Variants in SOX5 observed in about 807,000 individuals in gnomAD.
The protein encoded by SOX5 is SRY-box transcription factor 5.
A neutral mutation model predicts 92.0 loss-of-function variants in SOX5; 9 were observed. The ratio of observed to expected loss-of-function variants is 0.10; its 90% CI spans 0.06 to 0.17. SOX5 has a LOEUF of 0.17. SOX5 is among the 10% of genes least tolerant of loss of function. SOX5 has a pLI of 1.00. For synonymous variants in SOX5, 344 were observed against 336.3 expected, an observed-to-expected ratio of 1.02 and a Z score of -0.25; for missense variants, 642 against 944.5, an observed-to-expected ratio of 0.68 and a Z score of 4.20.
chr12:23,565,370 G>A (rs1946893762), intron 10 of SOX5, among the ~76,000 whole-genome samples: 1 of 152,126 alleles, frequency 6.6e-6, no homozygotes, highest in Admixed American at 6.6e-5. Flanking sequence ...AATATCTTAA[G>A]AGGATCAGTC....
intron 1 of SOX5, among the ~76,000 whole-genome samples, chr12:24,420,516 G>C (rs1965750125): frequency 6.6e-6 from 1 of 152,118 alleles, no homozygotes; most frequent in South Asian, 2.1e-4. Context: ...TATTTAAAAG[G>C]AATTACTTGG....
chr12:23,943,378 G>A (rs1446062057), intron 1 of SOX5, among the ~76,000 whole-genome samples: 1 of 151,916 alleles, frequency 6.6e-6, no homozygotes, highest in Non-Finnish European at 1.5e-5. Context: ...TTCAGTACAA[G>A]GCATTAAGAA....
intron 3 of SOX5, among the ~76,000 whole-genome samples, chr12:24,235,067 T>G (rs1353901124): frequency 6.6e-6 from 1 of 152,200 alleles, no homozygotes; most frequent in Admixed American, 6.5e-5. Context: ...AGATTTTTGT[T>G]TTGTTTGTTT....
At position 24,194,432 on chromosome 12, in the gene SOX5, T is replaced by TAG. The variant is rs1565629364; in HGVS notation, c.-2+18910_-2+18911insCT. Reference sequence around the variant, plus strand: ...AGGTAGGTAGGTAGGTAGGTAGGTATGTAGGTAGGTAGGTAGGTAGGTAGA... The same window carrying TAG: ...AGGTAGGTAGGTAGGTAGGTAGGTATAGGTAGGTAGGTAGGTAGGTAGGTAGA... On this transcript the variant is annotated intron_variant, in intron 4 of 4. Coordinates refer to the SOX5 transcript ENST00000446891. Among the ~76,000 whole-genome samples the TAG allele has an allele frequency of 5.0e-3, 495 of 99,284 alleles. 6 individuals carry two copies. The highest frequency in any genetic ancestry group is 0.022 in the African/African-American group (442 of 19,818). The allele number at this position is 99,284 out of a possible 152,430, so 65.1% of individuals were successfully genotyped here. A position where few individuals can be genotyped will look rare whatever the true frequency, so the allele number is the denominator to read the frequency against.
chr12:24,000,501 T>C (rs574320347), intron 4 of SOX5, among the ~76,000 whole-genome samples: 24 of 152,194 alleles, frequency 1.6e-4, no homozygotes, highest in African/African-American at 5.3e-4. Flanking sequence ...ATTGTGATAA[T>C]TAGAAATGCA....
intron 4 of SOX5, among the ~76,000 whole-genome samples, chr12:24,101,049 C>T (rs907915769): frequency 6.6e-6 from 1 of 152,132 alleles, no homozygotes; most frequent in African/African-American, 2.4e-5. Flanking sequence ...CCTTCTCCAA[C>T]ACCTTCTCCA....
intron 4 of SOX5, among the ~76,000 whole-genome samples, chr12:24,045,408 C>T (rs1207065731): frequency 6.6e-6 from 1 of 152,158 alleles, no homozygotes; most frequent in African/African-American, 2.4e-5. Flanking sequence ...AAGAAACCCT[C>T]CCACTCAGCC....
At chr12:23,990,648 C>A (rs1950478936) in intron 4 of SOX5, among the ~76,000 whole-genome samples, 1 of 152,130 alleles carries the variant, frequency 6.6e-6, no homozygotes, top group African/African-American at 2.4e-5. Context: ...CTGTACTACA[C>A]TTCTGTATCT....
intron 1 of SOX5, among the ~76,000 whole-genome samples, chr12:24,369,555 A>G (rs921229901): frequency 1.3e-5 from 2 of 152,194 alleles, no homozygotes; most frequent in African/African-American, 4.8e-5. Flanking sequence ...TGGTGAGGAC[A>G]ACAGAAGCTC....
intron 1 of SOX5, among the ~76,000 whole-genome samples, chr12:24,419,174 A>G (rs1965521946): frequency 6.6e-6 from 1 of 152,024 alleles, no homozygotes; most frequent in African/African-American, 2.4e-5. Context: ...AAGGCAGTAC[A>G]GTGAAGTACA....
chr12:23,982,630 A>G (rs1043569993), intron 4 of SOX5, among the ~76,000 whole-genome samples: 4 of 152,002 alleles, frequency 2.6e-5, no homozygotes, highest in African/African-American at 9.7e-5. Context: ...ACCCTAACTA[A>G]CTCTTAAAGT....
chr12:23,752,063 A>T (rs914090889), intron 4 of SOX5, among the ~76,000 whole-genome samples: 2 of 151,544 alleles, frequency 1.3e-5, no homozygotes, highest in African/African-American at 4.8e-5. Context: ...CAGGGTCAGA[A>T]GAATCCATCA....
chr12:24,214,314 G>A (rs1038522941), intron 3 of SOX5, among the ~76,000 whole-genome samples: 1 of 152,048 alleles, frequency 6.6e-6, no homozygotes, highest in Non-Finnish European at 1.5e-5. Context: ...TTTAATTATT[G>A]ATTTCTGGGA....
In SOX5 at chr12:23,575,717, A is replaced by T; in HGVS notation, c.1286T>A (p.Leu429His). 2 of 1,614,134 alleles carry T rather than the reference A, an allele frequency of 1.2e-6. No homozygotes were observed. Among genetic ancestry groups the T allele is most frequent in the East Asian group, 4.5e-5 (2 of 44,872 alleles). Residue 429 changes from leucine to histidine, a missense_variant, in exon 10 of 15, where the codon CTC becomes CAC. Leu to His is a moderately conservative substitution (Grantham distance 99). This residue lies in a region of SOX5 where 324 missense variants were observed against 461.6 expected (regional missense o/e 0.70). Transcript: ENST00000451604. ...ALRINSGAGP[L>H]KASVPAALAS... ...TAACGCTGCTGGGACAGAGGCTTTG[A>T]GGGGGCCTGCCCCACTGTTTATTCT... is the stretch of plus-strand genomic sequence containing the variant.
chr12:24,407,185 A>G (rs923568109), intron 1 of SOX5, among the ~76,000 whole-genome samples: 2 of 152,168 alleles, frequency 1.3e-5, no homozygotes, highest in Non-Finnish European at 2.9e-5. Context: ...AAGTATCTAG[A>G]AGAAACTAAG....
Position 24,151,864 on chromosome 12 carries a change from A to AAAAT in SOX5, c.-2+61475_-2+61478dup, listed in dbSNP as rs547593350. Among the ~76,000 whole-genome samples the AAAAT allele has an allele frequency of 1.3e-3, 205 of 152,144 alleles. 1 individual carries two copies. The East Asian group carries it at 0.021, about 15-fold the overall frequency. ...CATAGAATACGATGCAAGAAGTAAA[A>AAAAT]AAATAAATAAATAAATAAATAAAAT... On this transcript the variant is annotated intron_variant, in intron 4 of 4. Coordinates refer to the SOX5 transcript ENST00000446891.
chr12:24,414,958 A>T (rs1379906972), intron 1 of SOX5, among the ~76,000 whole-genome samples: 1 of 152,164 alleles, frequency 6.6e-6, no homozygotes. Flanking sequence ...TCTATAGCCA[A>T]TGCAAATTAT....
chr12:23,582,525 A>G (rs1950189519), intron 9 of SOX5, among the ~76,000 whole-genome samples: 1 of 152,118 alleles, frequency 6.6e-6, no homozygotes, highest in Non-Finnish European at 1.5e-5. Context: ...CAAGTCTATC[A>G]TCTTACATAG....
chr12:24,095,122 C>CAGAGAGAGAGAGAGAG (rs1375437943), intron 4 of SOX5, among the ~76,000 whole-genome samples: 334 of 93,822 alleles, frequency 3.6e-3, no homozygotes, highest in East Asian at 5.6e-3. Context: ...CACACACACA[C>CAGAGAGAGAGAGAGAG]ACACACAGAG....
Sources: allele counts gnomAD v4.1 joint callset (sites outside exome capture counted in the v4.1 genomes callset), GRCh38; gene constraint gnomAD v4.1.1; regional missense constraint gnomAD v4.1.1; transcripts MANE v1.5; gene names NCBI Gene and HGNC (gene_info 2026-07-23, HGNC 2026-07-21).